The following SUSD5 variants were observed in gnomAD, a reference collection of about 807,000 sequenced individuals.
The protein encoded by SUSD5 is sushi domain-containing protein 5.
SUSD5 carries 33 observed loss-of-function variants against 29.5 expected under a neutral mutation model. The observed-to-expected ratio is 1.12, with a 90% confidence interval of 0.85 to 1.49. The LOEUF (loss-of-function observed/expected upper bound fraction) is 1.49. Ranked by LOEUF, SUSD5 falls within the 40% of genes most tolerant of loss-of-function variation. The pLI is 0.00. For missense variants in SUSD5, 776 were observed against 800.6 expected (o/e 0.97, Z 0.37); for synonymous variants, 308 against 325.3 (o/e 0.95, Z 0.57).
chr3:33,199,045 G>A (rs1446704552), intron 3 of SUSD5, among the ~76,000 whole-genome samples: 2 of 151,820 alleles, frequency 1.3e-5, no homozygotes, highest in African/African-American at 2.4e-5. Flanking sequence ...CATATAGAAG[G>A]GAGATATTTT....
At chr3:33,183,212 T>C (rs2031708816) in intron 3 of SUSD5, among the ~76,000 whole-genome samples, 1 of 152,208 alleles carries the variant, frequency 6.6e-6, no homozygotes, top group Non-Finnish European at 1.5e-5. Flanking sequence ...AATTAGTGTA[T>C]CTAGACCATT....
chr3:33,152,961 G>T lies in SUSD5; in HGVS notation c.1671C>A (p.Pro557=). The part of the protein sequence containing the change: ...PGPGASEELH[P]TLESCVGDGC... ...CGTCCCCCACACACGACTCCAAGGT[G>T]GGATGAAGCTCCTCACTTGCACCTG... Residue 557 remains proline (P), a synonymous_variant, in exon 5 of 5, where the codon CCC becomes CCA. Coordinates refer to ENST00000309558, the MANE Select transcript of SUSD5 (RefSeq NM_015551.2). The T allele has an allele frequency of 6.2e-7, 1 of 1,613,994 alleles. No individual in the cohort carries two copies. Among genetic ancestry groups the T allele is most frequent in the South Asian group, 1.1e-5 (1 of 91,074 alleles).
chr3:33,183,059 T>C (rs1159821839), intron 3 of SUSD5, among the ~76,000 whole-genome samples: 3 of 152,202 alleles, frequency 2.0e-5, no homozygotes, highest in African/African-American at 7.2e-5. Context: ...CCTCCCAAAG[T>C]GCTGGGATTA....
chr3:33,183,372 TCTTTC>T (rs1575536148), intron 3 of SUSD5, among the ~76,000 whole-genome samples: 1 of 152,222 alleles, frequency 6.6e-6, no homozygotes, highest in African/African-American at 2.4e-5. Flanking sequence ...AATTCCATTT[TCTTTC>T]CTTTCTTAAC....
At position 33,207,832 on chromosome 3, in the gene SUSD5, T is replaced by G. The variant is rs1475103673; in HGVS notation, c.385A>C (p.Ser129Arg). 1 of 1,612,796 alleles carries G rather than the reference T, an allele frequency of 6.2e-7. No individual in the cohort carries two copies. Among genetic ancestry groups the G allele is most frequent in the African/African-American group, 1.3e-5 (1 of 74,906 alleles). The change falls in exon 3 of 5, where the codon AGT (serine) becomes CGT (arginine). Residue 129 changes from serine (S) to arginine (R), a missense_variant. Transcript: ENST00000309558. The part of the protein sequence containing the change: ...ESNPVPGGTY[S>R]ALCIKDEEKP... ...CCTTCATCCTTAATACAAAGGGCACTGTATGTGCCACCAGGAACTGGGTTG... is the reference window on the plus strand; with the variant it reads ...CCTTCATCCTTAATACAAAGGGCACGGTATGTGCCACCAGGAACTGGGTTG...
At position 33,181,075 on chromosome 3, in the gene SUSD5, T is replaced by G. The variant is rs191323624; in HGVS notation, c.410-6001A>C. Among the ~76,000 whole-genome samples, 5 of 151,742 alleles carry G rather than the reference T, an allele frequency of 3.3e-5. No homozygotes were observed. In the East Asian group the frequency reaches 9.6e-4, roughly 29 times the overall value. On this transcript the variant is annotated intron_variant, in intron 3 of 4. Coordinates refer to ENST00000309558, the MANE Select transcript of SUSD5 (RefSeq NM_015551.2). ...AATGTTTGTACAGTTGTACAATGTG[T>G]TTTTAAGCTCTGTTATTATGAAAAA...
At chr3:33,168,604 A>T (rs1290707583) in intron 4 of SUSD5, 12 of 985,156 alleles carry the variant, frequency 1.2e-5, no homozygotes, top group Admixed American at 1.2e-4. Context: ...TGGAGGCAGC[A>T]CATAGCATGA....
chr3:33,158,791 C>G (rs1276449808), intron 4 of SUSD5, among the ~76,000 whole-genome samples: 4 of 152,160 alleles, frequency 2.6e-5, no homozygotes, highest in Non-Finnish European at 4.4e-5. Flanking sequence ...GAAGCAGTAA[C>G]TCTCCAAGAT....
rs13060097 is a variant in SUSD5, at chr3:33,151,200, G to A, written c.*1542C>T. The A allele has an allele frequency of 0.24, 36,110 of 152,098 alleles. 5,426 individuals are homozygous for A. Among genetic ancestry groups the A allele is most frequent in the East Asian group, 0.56 (2,863 of 5,156 alleles). The allele number at this position is 152,098 out of a possible 1,614,324, so 9.4% of individuals were successfully genotyped here. A position where few individuals can be genotyped will look rare whatever the true frequency, so the allele number is the denominator to read the frequency against. The stretch of plus-strand genomic sequence containing the variant: ...TCACCTGGAGGGCTTGTTAAAAACA[G>A]AACTGGGCCCTACTCCCAGGGTTCC... On this transcript the variant is annotated 3_prime_UTR_variant, in exon 5 of 5. Coordinates refer to ENST00000309558, the MANE Select transcript of SUSD5 (RefSeq NM_015551.2).
At chr3:33,160,678 T>C (rs971250472) in intron 4 of SUSD5, among the ~76,000 whole-genome samples, 3 of 152,114 alleles carry the variant, frequency 2.0e-5, no homozygotes, top group Non-Finnish European at 2.9e-5. Context: ...CAGAATGTTA[T>C]GAAAAGGGTG....
intron 3 of SUSD5, among the ~76,000 whole-genome samples, chr3:33,197,846 C>A (rs2125628850): frequency 6.6e-6 from 1 of 151,774 alleles, no homozygotes; most frequent in Non-Finnish European, 1.5e-5. Context: ...ATGGATATAC[C>A]ACATATTTTG....
At position 33,153,654 on chromosome 3, in the gene SUSD5, AC is replaced by A; in HGVS notation, c.977del (p.Gly326ValfsTer2). Reference sequence around the variant, plus strand: ...CAGGTTCACCTGGGACCAATTTTACACCACTGTGGTTGTCTCCAGCAGAAAA... The same window carrying A: ...CAGGTTCACCTGGGACCAATTTTACACACTGTGGTTGTCTCCAGCAGAAAA... ...KQFSAGDNHS[G>X]VKLVPGEPET... On this transcript the variant is annotated frameshift_variant, in exon 5 of 5. Transcript: ENST00000309558. LOFTEE classifies it low-confidence loss of function (END_TRUNC). The A allele has an allele frequency of 6.2e-7, 1 of 1,613,848 alleles. No individual in the cohort carries two copies. The highest frequency in any genetic ancestry group is 2.2e-5 in the East Asian group (1 of 44,872).
intron 1 of SUSD5, among the ~76,000 whole-genome samples, chr3:33,214,328 G>A (rs907028575): frequency 1.0e-4 from 4 of 39,462 alleles, no homozygotes; most frequent in African/African-American, 2.8e-4. Flanking sequence ...CACCCCACCC[G>A]CCCAAAATTA....
intron 3 of SUSD5, among the ~76,000 whole-genome samples, chr3:33,207,350 C>G (rs1274201361): frequency 6.6e-6 from 1 of 152,194 alleles, no homozygotes; most frequent in African/African-American, 2.4e-5. Flanking sequence ...TCCTGGTAGG[C>G]ACCTTTGCCT....
chr3:33,197,693 T>C (rs1275171737), intron 3 of SUSD5, among the ~76,000 whole-genome samples: 1 of 152,228 alleles, frequency 6.6e-6, no homozygotes, highest in Non-Finnish European at 1.5e-5. Context: ...TTACCTTTTC[T>C]AGAATTTCAT....
At chr3:33,203,508 A>G (rs1319581283) in intron 3 of SUSD5, among the ~76,000 whole-genome samples, 1 of 152,216 alleles carries the variant, frequency 6.6e-6, no homozygotes, top group Non-Finnish European at 1.5e-5. Context: ...TCTGGGACGC[A>G]GGGCCCTCGA....
rs149521647 is a variant in SUSD5 at position 33,207,063 on chromosome 3, T to C, written c.409+745A>G. 5.0e-4 allele frequency among the ~76,000 whole-genome samples: 76 copies of C among 152,324 alleles called. 1 individual carries two copies. Among genetic ancestry groups the C allele is most frequent in the African/African-American group, 1.6e-3 (68 of 41,580 alleles). Reference sequence around the variant, plus strand: ...GTTTCTGATAACAGAGGTGTACTTATTTGGTGCATACAAAATGCTGCCCTT... The same window carrying C: ...GTTTCTGATAACAGAGGTGTACTTACTTGGTGCATACAAAATGCTGCCCTT... On this transcript the variant is annotated intron_variant, in intron 3 of 4. Transcript: ENST00000309558.
At chr3:33,209,207 A>C (rs2032277292) in intron 2 of SUSD5, among the ~76,000 whole-genome samples, 1 of 152,160 alleles carries the variant, frequency 6.6e-6, no homozygotes, top group Non-Finnish European at 1.5e-5. Context: ...AATTTATAAA[A>C]ATATTCTTTT....
At chr3:33,174,864 G>GA in intron 4 of SUSD5, 22 bp downstream of exon 4, 1 of 1,611,078 alleles carries the variant, frequency 6.2e-7, no homozygotes, top group Non-Finnish European at 8.5e-7. Context: ...ACGCGAAGGT[G>GA]GCCCATCCCT....
Sources: gnomAD v4.1 joint callset for allele counts (sites outside exome capture counted in the v4.1 genomes callset) on GRCh38, gnomAD v4.1.1 for gene constraint, MANE v1.5 for transcripts, NCBI Gene and HGNC (gene_info 2026-07-23, HGNC 2026-07-21) for gene names.